GALNT17: variants seen among roughly 807,000 people sequenced by gnomAD.
GALNT17 encodes the protein polypeptide N-acetylgalactosaminyltransferase 17, also known as UDP-GalNAc:polypeptide N-acetylgalactosaminyltransferase-like 3.
GALNT17 carries 29 observed loss-of-function variants against 63.7 expected under a neutral mutation model. That is an observed-to-expected ratio of 0.46 (90% CI 0.34 to 0.62). The LOEUF is 0.62. GALNT17 is among the 20% of genes least tolerant of loss of function. GALNT17 has a pLI of 0.01. For synonymous variants in GALNT17, 305 were observed against 318.3 expected, an observed-to-expected ratio of 0.96 and a Z score of 0.45; for missense variants, 603 against 799.6, an observed-to-expected ratio of 0.75 and a Z score of 2.97.
At chr7:71,409,017 A>AACACACACACACACAC (rs10674037) in intron 3 of GALNT17, among the ~76,000 whole-genome samples, 47 of 144,946 alleles carry the variant, frequency 3.2e-4, no homozygotes, top group Middle Eastern at 7.2e-3. Flanking sequence ...CACATACACA[A>AACACACACACACACAC]ACACACACAC....
chr7:71,269,508 C>T (rs186594631), intron 1 of GALNT17, among the ~76,000 whole-genome samples: 2 of 152,256 alleles, frequency 1.3e-5, no homozygotes, highest in East Asian at 3.9e-4. Context: ...GTCTTCTCCC[C>T]TCTTCTCTCG....
chr7:71,502,562 C>G (rs1489219671), intron 5 of GALNT17, among the ~76,000 whole-genome samples: 1 of 152,168 alleles, frequency 6.6e-6, no homozygotes, highest in Non-Finnish European at 1.5e-5. Context: ...TGAAGGATGG[C>G]TTCCTCAAAG....
At chr7:71,135,448 G>A (rs963852407) in intron 1 of GALNT17, among the ~76,000 whole-genome samples, 1 of 152,164 alleles carries the variant, frequency 6.6e-6, no homozygotes, top group Non-Finnish European at 1.5e-5. Context: ...CGAGATGGGT[G>A]CTCTGACACC....
chr7:71,210,603 A>AT (rs1789357804), intron 1 of GALNT17, among the ~76,000 whole-genome samples: 1 of 152,214 alleles, frequency 6.6e-6, no homozygotes, highest in Admixed American at 6.5e-5. Flanking sequence ...TAGATACACC[A>AT]TATTGGTAAA....
chr7:71,384,643 T>G (rs571438232), intron 2 of GALNT17, among the ~76,000 whole-genome samples: 35 of 152,232 alleles, frequency 2.3e-4, no homozygotes, highest in African/African-American at 7.9e-4. Flanking sequence ...ATGGAGCACT[T>G]TGGAAATGAA....
At chr7:71,588,683 T>G (rs1445573512) in intron 6 of GALNT17, among the ~76,000 whole-genome samples, 1 of 152,178 alleles carries the variant, frequency 6.6e-6, no homozygotes, top group African/African-American at 2.4e-5. Context: ...AGTTCTACAA[T>G]GTCGGACAAC....
intron 1 of GALNT17, among the ~76,000 whole-genome samples, chr7:71,150,704 G>T (rs991785669): frequency 6.6e-6 from 1 of 151,674 alleles, no homozygotes; most frequent in Non-Finnish European, 1.5e-5. Context: ...TAGAGACGGG[G>T]TTTCACCATG....
At chr7:71,330,274 A>G (rs945064403) in intron 1 of GALNT17, among the ~76,000 whole-genome samples, 1 of 152,194 alleles carries the variant, frequency 6.6e-6, no homozygotes, top group African/African-American at 2.4e-5. Flanking sequence ...TGGCCTCCCA[A>G]AGTGCTGGGA....
intron 6 of GALNT17, among the ~76,000 whole-genome samples, chr7:71,633,535 G>A (rs767447401): frequency 1.1e-4 from 16 of 152,150 alleles, no homozygotes; most frequent in African/African-American, 1.4e-4. Context: ...AAATGAATGC[G>A]GCTGTCAGTA....
intron 5 of GALNT17, among the ~76,000 whole-genome samples, chr7:71,506,866 C>T (rs919077473): frequency 6.6e-6 from 1 of 152,176 alleles, no homozygotes; most frequent in African/African-American, 2.4e-5. Flanking sequence ...AAGTAATTGC[C>T]ATTGAAAGTA....
intron 5 of GALNT17, among the ~76,000 whole-genome samples, chr7:71,544,519 G>A (rs776687043): frequency 6.6e-6 from 1 of 152,128 alleles, no homozygotes; most frequent in Non-Finnish European, 1.5e-5. Context: ...GCTGCAGCTA[G>A]CAATCTATTC....
At chr7:71,603,785 A>T (rs1411812268) in intron 6 of GALNT17, among the ~76,000 whole-genome samples, 2 of 152,144 alleles carry the variant, frequency 1.3e-5, no homozygotes, top group African/African-American at 4.8e-5. Context: ...TACAGTGGAT[A>T]CTATGCTAAG....
intron 2 of GALNT17, among the ~76,000 whole-genome samples, chr7:71,348,938 G>A (rs775442072): frequency 5.9e-5 from 9 of 152,162 alleles, no homozygotes; most frequent in Non-Finnish European, 1.3e-4. Flanking sequence ...GCCTCCAGGC[G>A]TCTACATGGG....
At chr7:71,431,877 C>T (rs1014053437) in intron 5 of GALNT17, among the ~76,000 whole-genome samples, 20 of 152,024 alleles carry the variant, frequency 1.3e-4, no homozygotes, top group African/African-American at 4.3e-4. Context: ...TGAAAAGATA[C>T]AGATTAAAAT....
At chr7:71,441,391 A>G (rs960575594) in intron 5 of GALNT17, among the ~76,000 whole-genome samples, 5 of 152,118 alleles carry the variant, frequency 3.3e-5, no homozygotes, top group Non-Finnish European at 5.9e-5. Context: ...TACACAAATG[A>G]CCATTTGTGG....
At chr7:71,247,274 A>G (rs1790115762) in intron 1 of GALNT17, among the ~76,000 whole-genome samples, 2 of 152,232 alleles carry the variant, frequency 1.3e-5, no homozygotes, top group South Asian at 2.1e-4. Flanking sequence ...AAATAGTACC[A>G]TCATAGACAA....
chr7:71,664,470 G>A (rs1173783387), intron 6 of GALNT17, among the ~76,000 whole-genome samples: 1 of 152,062 alleles, frequency 6.6e-6, no homozygotes, highest in Non-Finnish European at 1.5e-5. Context: ...AATTAACTGG[G>A]CATGGAGGCA....
chr7:71,173,443 G>A (rs10216015), intron 1 of GALNT17, among the ~76,000 whole-genome samples: 46,122 of 152,040 alleles, frequency 0.3, 8,090 homozygotes, highest in African/African-American at 0.48. Context: ...TATTAGTTTA[G>A]TGGTGATTTC....
intron 6 of GALNT17, among the ~76,000 whole-genome samples, chr7:71,574,224 T>C (rs1434667978): frequency 6.6e-6 from 1 of 152,222 alleles, no homozygotes; most frequent in Non-Finnish European, 1.5e-5. Context: ...TTTAAGTTCT[T>C]TCAGCCGTTG....
Sources: gnomAD v4.1 joint callset for allele counts (sites outside exome capture counted in the v4.1 genomes callset) on GRCh38, gnomAD v4.1.1 for gene constraint, MANE v1.5 for transcripts, NCBI Gene and HGNC (gene_info 2026-07-23, HGNC 2026-07-21) for gene names.